Variants in AOPEP observed in about 807,000 individuals in gnomAD.
The protein encoded by AOPEP is aminopeptidase O (putative).
AOPEP carries 77 observed loss-of-function variants against 98.1 expected under a neutral mutation model. The ratio of observed to expected loss-of-function variants is 0.78; its 90% confidence interval spans 0.65 to 0.95. The LOEUF (loss-of-function observed/expected upper bound fraction) is 0.95. AOPEP is among the 40% of genes least tolerant of loss of function. The pLI is 0.00. For synonymous variants in AOPEP, 346 were observed against 365.3 expected (o/e 0.95, Z 0.60); for missense variants, 1,024 against 1,024.7 (o/e 1.00, Z 0.01).
intron 13 of AOPEP, among the ~76,000 whole-genome samples, chr9:95,026,000 G>C (rs1426464422): frequency 1.3e-5 from 2 of 152,166 alleles, no homozygotes; most frequent in Non-Finnish European, 2.9e-5. Context: ...TTGCTCCCCT[G>C]CATGCGTCCC....
intron 5 of AOPEP, among the ~76,000 whole-genome samples, chr9:94,880,434 A>AAAAAAGG: frequency 3.6e-5 from 5 of 140,240 alleles, no homozygotes; most frequent in African/African-American, 1.3e-4. Context: ...TGGCGTGACC[A>AAAAAAGG]TGGCTCACTG....
At chr9:94,928,612 C>A in intron 7 of AOPEP, 81 bp downstream of exon 7, 1 of 954,692 alleles carries the variant, frequency 1.0e-6, no homozygotes, top group Non-Finnish European at 1.6e-6. Flanking sequence ...CTGATGACAT[C>A]TGCTGTGTTT....
At chr9:94,931,903 G>T in intron 7 of AOPEP, 1 of 1,204,154 alleles carries the variant, frequency 8.3e-7, no homozygotes, top group Non-Finnish European at 1.1e-6. Flanking sequence ...CTCTCTTGCT[G>T]GCAGGTTAAC....
At chr9:95,126,449 T>G in the AOPEP span, 6 of 1,334,254 alleles carry the variant, frequency 4.5e-6, no homozygotes, top group Admixed American at 1.0e-4. Flanking sequence ...AGCCAGAGAC[T>G]ACCACAACAT....
intron 5 of AOPEP, among the ~76,000 whole-genome samples, chr9:94,839,334 C>T (rs770730381): frequency 1.0e-3 from 152 of 152,208 alleles, no homozygotes; most frequent in Non-Finnish European, 1.7e-3. Flanking sequence ...GTGATCCGCC[C>T]ACCTCGGCCT....
chr9:94,997,638 C>T (rs10993446), intron 11 of AOPEP, among the ~76,000 whole-genome samples: 9,933 of 152,144 alleles, frequency 0.065, 793 homozygotes, highest in African/African-American at 0.18. Context: ...AATAAGCACT[C>T]GAGAGTAGAA....
intron 1 of AOPEP, among the ~76,000 whole-genome samples, chr9:94,747,815 GA>G (rs1405047014): frequency 2.0e-5 from 3 of 152,270 alleles, no homozygotes; most frequent in East Asian, 1.9e-4. Flanking sequence ...AACATTTGAG[GA>G]AAAAACTGGT....
chr9:95,034,519 G>A (rs2064604498), intron 13 of AOPEP, among the ~76,000 whole-genome samples: 1 of 152,252 alleles, frequency 6.6e-6, no homozygotes, highest in Non-Finnish European at 1.5e-5. Flanking sequence ...GGAATGACAT[G>A]AGGGCTGAGG....
chr9:95,017,635 A>T (rs577349956), intron 13 of AOPEP, among the ~76,000 whole-genome samples: 2 of 152,284 alleles, frequency 1.3e-5, no homozygotes, highest in African/African-American at 4.8e-5. Context: ...GCTCTTAATG[A>T]CTTTCTTGAG....
At chr9:95,099,842 G>A in the AOPEP span, 9 of 232,864 alleles carry the variant, frequency 3.9e-5, no homozygotes, top group Admixed American at 5.6e-5. Flanking sequence ...AAGTCTTCCA[G>A]ATGCCTAGCT....
intron 5 of AOPEP, among the ~76,000 whole-genome samples, chr9:94,908,470 G>A (rs946288836): frequency 6.6e-6 from 1 of 152,190 alleles, no homozygotes; most frequent in Non-Finnish European, 1.5e-5. Context: ...ATCCCTCTAA[G>A]AGTATAAGAA....
At chr9:95,082,754 C>A (rs1191228534) in intron 16 of AOPEP, 35 bp downstream of exon 16, 5 of 1,610,188 alleles carry the variant, frequency 3.1e-6, no homozygotes, top group Non-Finnish European at 4.2e-6. Flanking sequence ...TCATTTAGTT[C>A]TAACCAGATA....
At chr9:94,801,269 C>A (rs1848166970) in intron 5 of AOPEP, among the ~76,000 whole-genome samples, 1 of 152,206 alleles carries the variant, frequency 6.6e-6, no homozygotes, top group Admixed American at 6.5e-5. Flanking sequence ...ATACATAGTG[C>A]CCCCTGAGTG....
chr9:94,890,222 A>T (rs62579042), intron 5 of AOPEP, among the ~76,000 whole-genome samples: 1 of 148,658 alleles, frequency 6.7e-6, no homozygotes, highest in Admixed American at 6.7e-5. Flanking sequence ...TTTTTTTTTG[A>T]AACGGAGCCT....
At chr9:94,752,382 CACA>C (rs771705488) in intron 1 of AOPEP, among the ~76,000 whole-genome samples, 5,041 of 151,844 alleles carry the variant, frequency 0.033, 221 homozygotes, top group African/African-American at 0.1. Flanking sequence ...CACACACACA[CACA>C]CCCCACATGC....
At chr9:94,823,188 G>T (rs1257478346) in intron 5 of AOPEP, among the ~76,000 whole-genome samples, 1 of 152,114 alleles carries the variant, frequency 6.6e-6, no homozygotes, top group African/African-American at 2.4e-5. Flanking sequence ...TAGGGACGGG[G>T]TTTCTCCGTG....
intron 14 of AOPEP, among the ~76,000 whole-genome samples, chr9:95,073,994 T>C (rs138090356): frequency 2.6e-5 from 4 of 152,346 alleles, no homozygotes; most frequent in East Asian, 1.9e-4. Context: ...TATGCACACA[T>C]AGATATGCAT....
At chr9:94,898,965 A>G (rs995696542) in intron 5 of AOPEP, among the ~76,000 whole-genome samples, 1 of 152,082 alleles carries the variant, frequency 6.6e-6, no homozygotes, top group Non-Finnish European at 1.5e-5. Flanking sequence ...TAAATAAATA[A>G]AAAGACTTAA....
chr9:94,918,622 C>A (rs1057116652), intron 5 of AOPEP, among the ~76,000 whole-genome samples: 1 of 152,184 alleles, frequency 6.6e-6, no homozygotes, highest in African/African-American at 2.4e-5. Context: ...TTGGGCTAGT[C>A]AGTCTGCCTC....
Sources: gnomAD v4.1 joint callset for allele counts (sites outside exome capture counted in the v4.1 genomes callset) on GRCh38, gnomAD v4.1.1 for gene constraint, MANE v1.5 for transcripts, NCBI Gene and HGNC (gene_info 2026-07-23, HGNC 2026-07-21) for gene names.